The following SBF2 variants were observed in gnomAD, a reference collection of about 807,000 sequenced individuals.
SBF2 encodes the protein myotubularin-related protein 13.
In SBF2, 112 loss-of-function variants were observed where a neutral mutation model predicts 225.2. That is an observed-to-expected ratio of 0.50 (90% CI 0.43 to 0.58). The LOEUF (loss-of-function observed/expected upper bound fraction) is 0.58, where lower values mean the gene tolerates loss of function less well. SBF2 is among the 20% of genes least tolerant of loss of function. SBF2 has a pLI of 0.00. For synonymous variants in SBF2, 763 were observed against 773.3 expected (o/e 0.99, Z 0.22); for missense variants, 1,996 against 2,206.2 (o/e 0.90, Z 1.91).
At chr11:9,799,456 C>A (rs549204079) in intron 32 of SBF2, among the ~76,000 whole-genome samples, 100 of 152,300 alleles carry the variant, frequency 6.6e-4, no homozygotes, top group Non-Finnish European at 1.1e-3. Context: ...AAACCTCCCC[C>A]AAACTGGGGT....
At chr11:9,795,704 C>T (rs1281741535) in intron 33 of SBF2, 127 bp downstream of exon 33, 2 of 1,185,358 alleles carry the variant, frequency 1.7e-6, no homozygotes, top group African/African-American at 1.5e-5. Context: ...CACTCCTCTA[C>T]ATTCATAGTT....
chr11:9,958,691 G>A, intron 16 of SBF2: 1 of 333,436 alleles, frequency 3.0e-6, no homozygotes, highest in Non-Finnish European at 6.1e-6. Flanking sequence ...AAGAGTTGGA[G>A]TTGGATGAAG....
intron 15 of SBF2, 129 bp from the exon 16 acceptor site, chr11:9,962,235 C>T (rs1235618736): frequency 1.4e-6 from 1 of 740,298 alleles, no homozygotes; most frequent in Non-Finnish European, 2.3e-6. Context: ...AAATTAAACT[C>T]CTAGGGAATA....
rs529099207 is a variant in SBF2 at position 10,133,123 on chromosome 11, T to C, written c.141+60779A>G. Among the ~76,000 whole-genome samples the C allele has an allele frequency of 4.4e-4, 65 of 149,112 alleles. 5 individuals are homozygous for C. Among genetic ancestry groups the C allele is most frequent in the East Asian group, 2.4e-3 (11 of 4,546 alleles). Reference sequence around the variant, plus strand: ...AGAGCAGCTAGATACAGAGTGTCGATTGGTGCACTCACAAACCTTGAGCTA... The same window carrying C: ...AGAGCAGCTAGATACAGAGTGTCGACTGGTGCACTCACAAACCTTGAGCTA... On this transcript the variant is annotated intron_variant, in intron 2 of 39. Coordinates refer to ENST00000256190, the MANE Select transcript of SBF2 (RefSeq NM_030962.4).
chr11:10,049,823 A>G (rs1294457189), intron 2 of SBF2, among the ~76,000 whole-genome samples: 1 of 152,174 alleles, frequency 6.6e-6, no homozygotes, highest in African/African-American at 2.4e-5. Flanking sequence ...TAGAACTGGA[A>G]AGTTTTATCA....
chr11:9,893,579 G>C (rs1861006965), intron 17 of SBF2, among the ~76,000 whole-genome samples: 1 of 152,194 alleles, frequency 6.6e-6, no homozygotes, highest in Non-Finnish European at 1.5e-5. Flanking sequence ...CAGTGGCAGT[G>C]CTATCTATAA....
chr11:10,265,771 A>G (rs1961921274), intron 1 of SBF2, among the ~76,000 whole-genome samples: 2 of 152,102 alleles, frequency 1.3e-5, no homozygotes, highest in South Asian at 4.1e-4. Context: ...CCACAGCCTC[A>G]ACCTCCCAGG....
intron 1 of SBF2, among the ~76,000 whole-genome samples, chr11:10,245,920 A>G (rs1959741137): frequency 6.6e-6 from 1 of 152,198 alleles, no homozygotes; most frequent in African/African-American, 2.4e-5. Flanking sequence ...TATAGGGGGA[A>G]TCTATAATAG....
At chr11:10,256,295 T>C (rs759310572) in intron 1 of SBF2, among the ~76,000 whole-genome samples, 11 of 152,228 alleles carry the variant, frequency 7.2e-5, no homozygotes, top group Non-Finnish European at 7.3e-5. Flanking sequence ...CAATAACTAC[T>C]CTCTTTCTAC....
chr11:10,043,699 T>C (rs2403265), intron 2 of SBF2, among the ~76,000 whole-genome samples: 69,781 of 151,834 alleles, frequency 0.46, 16,437 homozygotes, highest in Admixed American at 0.56. Flanking sequence ...CTCAGCCTCC[T>C]GAGTAGCTGG....
chr11:9,936,446 T>C (rs1354401155), intron 16 of SBF2, among the ~76,000 whole-genome samples: 1 of 152,200 alleles, frequency 6.6e-6, no homozygotes, highest in Non-Finnish European at 1.5e-5. Flanking sequence ...AGCAATCCCA[T>C]TACTGGGTAT....
intron 16 of SBF2, among the ~76,000 whole-genome samples, chr11:9,944,549 T>C (rs1271930051): frequency 6.6e-6 from 1 of 152,078 alleles, no homozygotes; most frequent in African/African-American, 2.4e-5. Context: ...CAAACACATA[T>C]AATATCAAAT....
At chr11:10,049,767 A>G (rs1342582278) in intron 2 of SBF2, among the ~76,000 whole-genome samples, 2 of 152,348 alleles carry the variant, frequency 1.3e-5, no homozygotes, top group East Asian at 3.9e-4. Context: ...ACATGTAACT[A>G]TCCTTGGCTT....
chr11:10,167,408 A>T (rs913308812), intron 2 of SBF2, among the ~76,000 whole-genome samples: 1 of 152,232 alleles, frequency 6.6e-6, no homozygotes, highest in Admixed American at 6.5e-5. Flanking sequence ...TACAAAAATA[A>T]AAATTAAAAA....
intron 1 of SBF2, among the ~76,000 whole-genome samples, chr11:10,299,377 C>T (rs931981437): frequency 2.7e-5 from 4 of 148,776 alleles, no homozygotes; most frequent in East Asian, 2.0e-4. Flanking sequence ...CCTGCAGTTG[C>T]GGTCCATGTG....
chr11:10,260,890 AAAG>A (rs966013009), intron 1 of SBF2, among the ~76,000 whole-genome samples: 2 of 151,462 alleles, frequency 1.3e-5, no homozygotes, highest in African/African-American at 4.9e-5. Context: ...AAAAGAAAAG[AAAG>A]AAGGGGAGGG....
At chr11:10,162,304 T>C (rs558746987) in intron 2 of SBF2, among the ~76,000 whole-genome samples, 1 of 152,028 alleles carries the variant, frequency 6.6e-6, no homozygotes, top group Admixed American at 6.6e-5. Flanking sequence ...AGGCTGAGGA[T>C]AACTAGTGGA....
At chr11:10,151,187 C>T (rs1014469431) in intron 2 of SBF2, among the ~76,000 whole-genome samples, 1 of 152,184 alleles carries the variant, frequency 6.6e-6, no homozygotes, top group Non-Finnish European at 1.5e-5. Context: ...ATACACAATA[C>T]TTTATACCTC....
At chr11:10,046,749 A>C (rs927618931) in intron 2 of SBF2, among the ~76,000 whole-genome samples, 2 of 151,942 alleles carry the variant, frequency 1.3e-5, no homozygotes, top group East Asian at 3.8e-4. Flanking sequence ...CTGCTTCTCA[A>C]TATTATCCTA....
Sources: allele counts gnomAD v4.1 joint callset (sites outside exome capture counted in the v4.1 genomes callset), GRCh38; gene constraint gnomAD v4.1.1; transcripts MANE v1.5; gene names NCBI Gene and HGNC (gene_info 2026-07-23, HGNC 2026-07-21).